Variants in RUNX1 observed in about 807,000 individuals in gnomAD.
The protein encoded by RUNX1 is runt-related transcription factor 1.
Under a neutral mutation model 42.8 loss-of-function variants are expected in RUNX1, and 19 were observed. The observed-to-expected ratio is 0.44, with a 90% CI of 0.31 to 0.65. The LOEUF (loss-of-function observed/expected upper bound fraction) is 0.65. RUNX1 is among the 30% of genes least tolerant of loss of function. The probability of loss-of-function intolerance (pLI) is 0.07; values close to 1 mark genes in which losing one functional copy is unlikely to be tolerated. For missense variants in RUNX1, 528 were observed against 672.0 expected, an observed-to-expected ratio of 0.79 and a Z score of 2.37; for synonymous variants, 271 against 289.4, an observed-to-expected ratio of 0.94 and a Z score of 0.64.
At chr21:34,944,216 GC>G (rs2058548409) in intron 2 of RUNX1, among the ~76,000 whole-genome samples, 1 of 152,096 alleles carries the variant, frequency 6.6e-6, no homozygotes, top group Non-Finnish European at 1.5e-5. Context: ...CACTATGTTG[GC>G]CAGGCTTGTC....
At chr21:34,842,952 C>T (rs1327991372) in intron 6 of RUNX1, among the ~76,000 whole-genome samples, 1 of 152,082 alleles carries the variant, frequency 6.6e-6, no homozygotes, top group African/African-American at 2.4e-5. Context: ...CCTGTAGTCC[C>T]AGTTACAAGT....
At chr21:34,862,340 C>T (rs73371854) in intron 5 of RUNX1, among the ~76,000 whole-genome samples, 3,017 of 152,278 alleles carry the variant, frequency 0.02, 100 homozygotes, top group African/African-American at 0.069. Flanking sequence ...GGCAGGTCCA[C>T]GTGTGATTCT....
intron 2 of RUNX1, among the ~76,000 whole-genome samples, chr21:35,017,374 G>T (rs2059166875): frequency 6.6e-6 from 1 of 152,128 alleles, no homozygotes; most frequent in African/African-American, 2.4e-5. Context: ...GTGAACAAAG[G>T]GTGCCGAAAG....
Position 34,791,039 on chromosome 21 carries a change from T to G in RUNX1, c.*1096A>C, listed in dbSNP as rs528969148. The G allele has an allele frequency of 4.1e-4, 95 of 233,716 alleles. No individual in the cohort carries two copies. Among genetic ancestry groups the G allele is most frequent in the Admixed American group, 1.7e-3 (31 of 17,802 alleles). The allele number at this position is 233,716 out of a possible 1,614,324, so 14.5% of individuals were successfully genotyped here. On this transcript the variant is annotated 3_prime_UTR_variant, in exon 9 of 9. Transcript: ENST00000675419. ...TCTGTTTTAAGGAGGAAGTTAGATA[T>G]GAGACCCTTGTTGAGCCTGGCAGAA...
intron 6 of RUNX1, among the ~76,000 whole-genome samples, chr21:34,841,010 G>A (rs2057226833): frequency 2.0e-5 from 3 of 152,158 alleles, no homozygotes; most frequent in Admixed American, 2.0e-4. Flanking sequence ...AATTTGCTAG[G>A]AAGTTGTCAG....
At chr21:34,837,748 T>C (rs1428850270) in intron 6 of RUNX1, among the ~76,000 whole-genome samples, 1 of 152,212 alleles carries the variant, frequency 6.6e-6, no homozygotes, top group Non-Finnish European at 1.5e-5. Flanking sequence ...TCTGAACACC[T>C]GCATGCTGGC....
chr21:35,015,626 G>A (rs1052009379), intron 2 of RUNX1, among the ~76,000 whole-genome samples: 1 of 152,180 alleles, frequency 6.6e-6, no homozygotes, highest in Non-Finnish European at 1.5e-5. Flanking sequence ...TTGATCATGC[G>A]AAAGTCAATG....
At chr21:35,020,657 C>T (rs2059191980) in intron 2 of RUNX1, among the ~76,000 whole-genome samples, 1 of 152,094 alleles carries the variant, frequency 6.6e-6, no homozygotes, top group Admixed American at 6.5e-5. Flanking sequence ...GCTGCTGCAT[C>T]GACTTCCTCC....
chr21:34,873,816 C>T (rs1003010423), intron 5 of RUNX1, among the ~76,000 whole-genome samples: 3 of 152,212 alleles, frequency 2.0e-5, no homozygotes, highest in Admixed American at 6.5e-5. Flanking sequence ...AATACATCTC[C>T]GTTGAATGTA....
intron 2 of RUNX1, among the ~76,000 whole-genome samples, chr21:35,014,578 A>G (rs572617747): frequency 2.0e-5 from 3 of 152,370 alleles, no homozygotes; most frequent in African/African-American, 4.8e-5. Context: ...TCTCCTTATC[A>G]GTGGTTCTGA....
chr21:34,900,985 G>A (rs911490923), intron 2 of RUNX1, among the ~76,000 whole-genome samples: 1 of 152,140 alleles, frequency 6.6e-6, no homozygotes, highest in African/African-American at 2.4e-5. Flanking sequence ...AGCCATCAAT[G>A]TTTCAGTTTG....
intron 2 of RUNX1, among the ~76,000 whole-genome samples, chr21:35,022,921 AGG>A: frequency 6.7e-6 from 1 of 149,994 alleles, no homozygotes; most frequent in African/African-American, 2.4e-5. Flanking sequence ...AATAATAATA[AGG>A]CGGAGATTAT....
chr21:34,801,026 C>G (rs1407483557), intron 7 of RUNX1, among the ~76,000 whole-genome samples: 1 of 151,928 alleles, frequency 6.6e-6, no homozygotes, highest in Admixed American at 6.6e-5. Flanking sequence ...TTACAGCTAA[C>G]AGTGTTTCCA....
intron 2 of RUNX1, among the ~76,000 whole-genome samples, chr21:35,019,500 C>T (rs2059183158): frequency 6.6e-6 from 1 of 152,250 alleles, no homozygotes; most frequent in South Asian, 2.1e-4. Flanking sequence ...GTGCACTGAG[C>T]AAGTTAGCAA....
At chr21:34,932,045 G>A (rs2058451360) in intron 2 of RUNX1, among the ~76,000 whole-genome samples, 1 of 152,110 alleles carries the variant, frequency 6.6e-6, no homozygotes, top group African/African-American at 2.4e-5. Context: ...AATAAGAAAA[G>A]GTAAGGACAG....
At chr21:34,955,551 A>C (rs2058638259) in intron 2 of RUNX1, among the ~76,000 whole-genome samples, 2 of 152,194 alleles carry the variant, frequency 1.3e-5, no homozygotes, top group South Asian at 4.1e-4. Flanking sequence ...ACCCGATTTG[A>C]CTTAAACGGA....
intron 7 of RUNX1, among the ~76,000 whole-genome samples, chr21:34,814,893 T>C (rs1407814632): frequency 1.3e-5 from 2 of 152,154 alleles, no homozygotes; most frequent in Non-Finnish European, 2.9e-5. Flanking sequence ...CAAAAGCCTA[T>C]TATAACATCT....
intron 2 of RUNX1, among the ~76,000 whole-genome samples, chr21:34,972,830 A>T (rs2058772671): frequency 6.6e-6 from 1 of 152,026 alleles, no homozygotes; most frequent in South Asian, 2.1e-4. Context: ...AGTTGCATGC[A>T]ACTGGACCCA....
intron 2 of RUNX1, among the ~76,000 whole-genome samples, chr21:34,934,208 A>G (rs914880107): frequency 2.6e-5 from 4 of 151,680 alleles, no homozygotes; most frequent in Non-Finnish European, 5.9e-5. Context: ...CTTCCTTGGG[A>G]CTGTACACCC....
Sources: allele counts gnomAD v4.1 joint callset (sites outside exome capture counted in the v4.1 genomes callset), GRCh38; gene constraint gnomAD v4.1.1; transcripts MANE v1.5; gene names NCBI Gene and HGNC (gene_info 2026-07-23, HGNC 2026-07-21).